Variants in NRXN3 observed in about 807,000 individuals in gnomAD.
The protein encoded by NRXN3 is neurexin III.
NRXN3 carries 32 observed loss-of-function variants against 137.6 expected under a neutral mutation model. That is an observed-to-expected ratio of 0.23 (90% CI 0.18 to 0.31). The LOEUF is 0.31. Among genes scored for constraint, NRXN3 ranks in the 10% least tolerant of loss-of-function variants. NRXN3 has a pLI of 1.00. For missense variants in NRXN3, 1,574 were observed against 2,062.5 expected (o/e 0.76, Z 4.59); for synonymous variants, 798 against 784.5 (o/e 1.02, Z -0.29).
At chr14:78,350,428 C>T (rs1045764922) in intron 4 of NRXN3, among the ~76,000 whole-genome samples, 8 of 151,946 alleles carry the variant, frequency 5.3e-5, no homozygotes, top group African/African-American at 1.7e-4. Flanking sequence ...AAAGGGCACC[C>T]CAACAAAAGC....
At chr14:79,024,435 G>T (rs1274447689) in intron 15 of NRXN3, among the ~76,000 whole-genome samples, 1 of 152,156 alleles carries the variant, frequency 6.6e-6, no homozygotes, top group Non-Finnish European at 1.5e-5. Flanking sequence ...TGATGACTCT[G>T]TGATAACATC....
chr14:78,375,048 G>A (rs2153623070), intron 4 of NRXN3, among the ~76,000 whole-genome samples: 1 of 152,304 alleles, frequency 6.6e-6, no homozygotes, highest in East Asian at 1.9e-4. Context: ...CTATTCTTGA[G>A]TTGCAACTGT....
chr14:78,409,396 TGAGAGCAGA>T (rs758952845), intron 4 of NRXN3, among the ~76,000 whole-genome samples: 21 of 152,240 alleles, frequency 1.4e-4, no homozygotes, highest in Non-Finnish European at 2.6e-4. Flanking sequence ...CAAGGCACTA[TGAGAGCAGA>T]GAGAAAAGAG....
Position 79,283,697 on chromosome 14 carries a change from C to A in NRXN3, c.3263-183524C>A, listed in dbSNP as rs145756807. 1.1e-4 allele frequency among the ~76,000 whole-genome samples: 17 copies of A among 151,672 alleles called. No homozygotes were observed. In the South Asian group the frequency reaches 3.1e-3, roughly 28 times the overall value. On this transcript the variant is annotated intron_variant, in intron 15 of 20. Transcript: ENST00000335750. ...GATTAACCTTCTTCTTAATGGGAATCTAGTAGGCTCTTCCCCATTCTGTTA... is the reference window on the plus strand; with the variant it reads ...GATTAACCTTCTTCTTAATGGGAATATAGTAGGCTCTTCCCCATTCTGTTA...
chr14:78,393,807 A>C (rs2091089275), intron 4 of NRXN3, among the ~76,000 whole-genome samples: 1 of 151,978 alleles, frequency 6.6e-6, no homozygotes, highest in South Asian at 2.1e-4. Flanking sequence ...CATAGTTTTC[A>C]GCATACAAAT....
intron 4 of NRXN3, chr14:78,602,421 G>C (rs1208086831): frequency 6.6e-6 from 1 of 152,048 alleles, no homozygotes; most frequent in African/African-American, 2.4e-5. Flanking sequence ...TCTTTCTAGG[G>C]CACCTGACGT....
At chr14:79,376,267 C>CAT (rs1254363861) in intron 15 of NRXN3, among the ~76,000 whole-genome samples, 4 of 47,446 alleles carry the variant, frequency 8.4e-5, no homozygotes, top group African/African-American at 2.7e-4. Context: ...TATATATATA[C>CAT]ACATACATAT....
chr14:79,233,666 C>CTG (rs143246182), intron 15 of NRXN3, among the ~76,000 whole-genome samples: 15,102 of 144,896 alleles, frequency 0.1, 782 homozygotes, highest in South Asian at 0.13. Context: ...AGTATAACTG[C>CTG]TGTGTGTGTG....
rs559172971 is a variant in NRXN3, at chr14:78,743,075, T to C, written c.2044+27936T>C. ...GTCTGCTTTATGCAGGCAAGTGTGG[T>C]TTTAAGATGAGCTTGGGTCAAACAT... On this transcript the variant is annotated intron_variant, in intron 8 of 20. Coordinates refer to ENST00000335750, the MANE Select transcript of NRXN3 (RefSeq NM_001330195.2). Among the ~76,000 whole-genome samples, 4 of 152,280 alleles carry C rather than the reference T, an allele frequency of 2.6e-5. No homozygotes were observed. The South Asian group carries it at 8.3e-4, about 32-fold the overall frequency.
intron 4 of NRXN3, among the ~76,000 whole-genome samples, chr14:78,373,935 T>A (rs994845692): frequency 6.6e-6 from 1 of 152,244 alleles, no homozygotes; most frequent in Non-Finnish European, 1.5e-5. Flanking sequence ...ATATTCTTTT[T>A]AAAAAATATT....
intron 15 of NRXN3, among the ~76,000 whole-genome samples, chr14:79,224,625 C>T (rs931621466): frequency 1.3e-5 from 2 of 152,082 alleles, no homozygotes; most frequent in South Asian, 2.1e-4. Flanking sequence ...CATGTCCTTC[C>T]TGGAACCTCA....
chr14:79,651,225 G>C (rs1356904391), intron 16 of NRXN3, among the ~76,000 whole-genome samples: 1 of 152,078 alleles, frequency 6.6e-6, no homozygotes, highest in African/African-American at 2.4e-5. Context: ...GAGGCCTGCT[G>C]GCAATTTTCC....
At chr14:79,386,391 C>T (rs79431973) in intron 15 of NRXN3, among the ~76,000 whole-genome samples, 46,966 of 151,908 alleles carry the variant, frequency 0.31, 7,554 homozygotes, top group Admixed American at 0.39. Flanking sequence ...ATCCAACTTA[C>T]AAGGGATGTG....
chr14:79,114,137 G>A (rs2053999598), intron 15 of NRXN3, among the ~76,000 whole-genome samples: 1 of 152,176 alleles, frequency 6.6e-6, no homozygotes, highest in African/African-American at 2.4e-5. Flanking sequence ...GTCTGGAGAT[G>A]TGTTTAGTTA....
At chr14:78,763,433 G>GTGT in intron 8 of NRXN3, among the ~76,000 whole-genome samples, 1 of 152,020 alleles carries the variant, frequency 6.6e-6, no homozygotes, top group Non-Finnish European at 1.5e-5. Context: ...ACAGTGTGTG[G>GTGT]TGTTTTGGTA....
chr14:78,692,886 G>A (rs1404107856), intron 6 of NRXN3, among the ~76,000 whole-genome samples: 3 of 149,624 alleles, frequency 2.0e-5, no homozygotes, highest in East Asian at 1.9e-4. Flanking sequence ...TTCAAGACGA[G>A]CCTGGCCAAC....
At chr14:79,365,549 C>A (rs1269294594) in intron 15 of NRXN3, among the ~76,000 whole-genome samples, 2 of 150,294 alleles carry the variant, frequency 1.3e-5, no homozygotes, top group African/African-American at 2.4e-5. Flanking sequence ...GAAACCCCGT[C>A]TCTACTAAAA....
At chr14:78,778,800 CTTT>C in intron 8 of NRXN3, among the ~76,000 whole-genome samples, 1 of 114,930 alleles carries the variant, frequency 8.7e-6, no homozygotes. Context: ...TTCTTTCTTT[CTTT>C]CTTTCTTTCT....
intron 15 of NRXN3, among the ~76,000 whole-genome samples, chr14:79,421,961 G>C (rs2095582698): frequency 1.3e-5 from 2 of 152,282 alleles, no homozygotes; most frequent in South Asian, 2.1e-4. Flanking sequence ...ATACTGCTTT[G>C]TTATCAGACT....
Sources: allele counts gnomAD v4.1 joint callset (sites outside exome capture counted in the v4.1 genomes callset), GRCh38; gene constraint gnomAD v4.1.1; transcripts MANE v1.5; gene names NCBI Gene and HGNC (gene_info 2026-07-23, HGNC 2026-07-21).